SLC2A3: variants seen among roughly 807,000 people sequenced by gnomAD.
The protein encoded by SLC2A3 is solute carrier family 2, facilitated glucose transporter member 3.
A neutral mutation model predicts 46.4 loss-of-function variants in SLC2A3; 21 were observed. The observed-to-expected ratio is 0.45, with a 90% CI of 0.32 to 0.65. The LOEUF is 0.65. Ranked by LOEUF, SLC2A3 falls within the 30% of genes least tolerant of loss-of-function variation. The pLI, the probability that SLC2A3 is intolerant of heterozygous loss-of-function variation, is 0.04. For synonymous variants in SLC2A3, 213 were observed against 239.4 expected (o/e 0.89, Z 1.02); for missense variants, 499 against 623.3 (o/e 0.80, Z 2.12).
chr12:7,933,563 C>T (rs1946181516), intron 2 of SLC2A3: 1 of 516,192 alleles, frequency 1.9e-6, no homozygotes, highest in Non-Finnish European at 3.4e-6. Context: ...CATCTTCAGT[C>T]TTGGACAGGA....
chr12:7,932,997 G>T lies in SLC2A3; in HGVS notation c.259C>A (p.Arg87Ser), dbSNP rs146026720. Residue 87 changes from arginine to serine, a missense_variant, in exon 3 of 10, where the codon CGC (arginine) becomes AGC (serine). Physicochemically the swap from Arg to Ser is moderately radical, Grantham distance 110. Around this residue, in one of 5 missense-constraint regions of SLC2A3, gnomAD observed 248 missense variants for 284.0 expected, o/e 0.87. Coordinates refer to ENST00000075120, the MANE Select transcript of SLC2A3 (RefSeq NM_006931.3). ...GSFSVGLFVN[R>S]FGRRNSMLIV... ...GTTTCTAGTCAATACCTGCCAAAGC[G>T]GTTGACGAAGAGTCCGACGGAAAAG... is the stretch of plus-strand genomic sequence containing the variant. 68 of 1,613,904 alleles carry T rather than the reference G, an allele frequency of 4.2e-5. 1 individual carries two copies. The highest frequency in any genetic ancestry group is 5.8e-5 in the Non-Finnish European group (68 of 1,180,004).
chr12:7,929,479 T>A (rs915233244), intron 6 of SLC2A3: 1 of 703,124 alleles, frequency 1.4e-6, no homozygotes, highest in Non-Finnish European at 2.2e-6. Context: ...TTTTTTAAAT[T>A]TCAGAGACAC....
In SLC2A3 at chr12:7,923,058, A is replaced by G. The variant is rs768730248; in HGVS notation, c.1069-34T>C. The G allele has an allele frequency of 8.8e-6, 14 of 1,582,232 alleles. 1 individual carries two copies. Among genetic ancestry groups the G allele is most frequent in the Non-Finnish European group, 2.6e-6 (3 of 1,163,102 alleles). ...GCAAGGAACAGAGAAAATTAAATTT[A>G]AAGACAGTGTAACCTAGTATCTAGG... On this transcript the variant is annotated intron_variant, in intron 8 of 9. Transcript: ENST00000075120.
Position 7,924,433 on chromosome 12 carries a change from T to C in SLC2A3, c.1045A>G (p.Met349Val). ...ACCTTTAATAACAAAGAAACAGTCA[T>C]GAGCGTGGAACAAAAAGCCATCCCT... The part of the protein sequence containing the change: ...LGGMAFCSTL[M>V]TVSLLLKDNY... Residue 349 changes from methionine to valine, a missense_variant, in exon 8 of 10, where the codon ATG (methionine) becomes GTG (valine). Met to Val is a conservative substitution (Grantham distance 21). Transcript: ENST00000075120. 1 of 1,610,956 alleles carries C rather than the reference T, an allele frequency of 6.2e-7. No individual in the cohort carries two copies. The highest frequency in any genetic ancestry group is 8.5e-7 in the Non-Finnish European group (1 of 1,179,212).
chr12:7,925,901 C>T lies in SLC2A3; in HGVS notation c.909G>A (p.Glu303=), dbSNP rs1399915869. Residue 303 remains glutamate, a synonymous_variant, in exon 7 of 10, where the codon GAG becomes GAA. Transcript: ENST00000075120. ...TGIFKDAGVQ[E]PIYATIGAGV... ...CCGCGCCGATGGTGGCATAGATGGG[C>T]TCTTGAACACCTGCATCCTTGAAGA... 6 of 1,613,650 alleles carry T rather than the reference C, an allele frequency of 3.7e-6. No homozygotes were observed. The highest frequency in any genetic ancestry group is 5.1e-6 in the Non-Finnish European group (6 of 1,179,820).
At chr12:7,928,732 T>C (rs986741244) in intron 6 of SLC2A3, among the ~76,000 whole-genome samples, 26 of 152,188 alleles carry the variant, frequency 1.7e-4, no homozygotes, top group Middle Eastern at 6.8e-3. Context: ...CAGTAATACG[T>C]GTGGCCTACA....
intron 3 of SLC2A3, among the ~76,000 whole-genome samples, chr12:7,932,394 TCTCGAA>T (rs1182991691): frequency 6.6e-6 from 1 of 152,088 alleles, no homozygotes; most frequent in Non-Finnish European, 1.5e-5. Context: ...GCCAGGCTGG[TCTCGAA>T]CTCCTGACCT....
At chr12:7,928,075 C>G (rs1292203302) in intron 6 of SLC2A3, among the ~76,000 whole-genome samples, 1 of 151,838 alleles carries the variant, frequency 6.6e-6, no homozygotes, top group African/African-American at 2.4e-5. Context: ...CACAGCACTC[C>G]AGCCTGGGTG....
chr12:7,921,251 C>G lies in SLC2A3; in HGVS notation c.*162G>C. The G allele has an allele frequency of 7.1e-7, 1 of 1,413,156 alleles. No individual in the cohort carries two copies. Among genetic ancestry groups the G allele is most frequent in the Non-Finnish European group, 9.6e-7 (1 of 1,037,082 alleles). 87.5% of individuals were successfully genotyped at this position (1,413,156 alleles called of 1,614,324 possible). The stretch of plus-strand genomic sequence containing the variant: ...TAAAATTTAAAAAGCCATTGAAGAT[C>G]CAACAAACCGCAGCCTTGGGGTGCT... On this transcript the variant is annotated 3_prime_UTR_variant, in exon 10 of 10. Coordinates refer to ENST00000075120, the MANE Select transcript of SLC2A3 (RefSeq NM_006931.3).
chr12:7,934,687 C>T (rs1372603562), intron 1 of SLC2A3, among the ~76,000 whole-genome samples: 1 of 151,868 alleles, frequency 6.6e-6, no homozygotes, highest in Non-Finnish European at 1.5e-5. Context: ...TACGCCATTC[C>T]CCCCCACCCC....
chr12:7,928,830 A>G (rs765917997), intron 6 of SLC2A3, among the ~76,000 whole-genome samples: 1 of 140,768 alleles, frequency 7.1e-6, no homozygotes, highest in South Asian at 2.4e-4. Context: ...TTTCCTCCCA[A>G]GTTTTTTTTT....
chr12:7,932,941 A>C, intron 3 of SLC2A3, 46 bp downstream of exon 3: 1 of 1,608,990 alleles, frequency 6.2e-7, no homozygotes, highest in Non-Finnish European at 8.5e-7. Flanking sequence ...CTTGTCCTCA[A>C]TGTGGCTGGT....
At chr12:7,929,436 C>T (rs1946129344) in intron 6 of SLC2A3, 1 of 533,604 alleles carries the variant, frequency 1.9e-6, no homozygotes, top group Non-Finnish European at 3.2e-6. Context: ...CTGAAGTTGC[C>T]AGTGTCCTTC....
rs776470505 is a variant in SLC2A3 at position 7,930,591 on chromosome 12, G to C, written c.562C>G (p.Leu188Val). The part of the protein sequence containing the change: ...LGSEELWPLL[L>V]GFTILPAILQ... Reference sequence around the variant, plus strand: ...ATAGCAGGAAGGATGGTAAAACCCAGTAGCAGCGGCCATAGCTCTTCAGAC... The same window carrying C: ...ATAGCAGGAAGGATGGTAAAACCCACTAGCAGCGGCCATAGCTCTTCAGAC... Residue 188 changes from leucine to valine, a missense_variant, in exon 5 of 10, where the codon CTG becomes GTG. Around this residue, in one of 5 missense-constraint regions of SLC2A3, gnomAD observed 248 missense variants for 284.0 expected, o/e 0.87. Coordinates refer to ENST00000075120, the MANE Select transcript of SLC2A3 (RefSeq NM_006931.3). 4.3e-5 allele frequency: 69 copies of C among 1,613,850 alleles called. 1 individual carries two copies. Among genetic ancestry groups the C allele is most frequent in the Non-Finnish European group, 5.8e-5 (68 of 1,179,952 alleles).
intron 6 of SLC2A3, among the ~76,000 whole-genome samples, chr12:7,928,906 G>A (rs1184403728): frequency 1.3e-5 from 2 of 151,600 alleles, no homozygotes; most frequent in African/African-American, 4.8e-5. Flanking sequence ...TCCCACCTCA[G>A]CCTCCCGAGT....
chr12:7,921,340 C>G lies in SLC2A3; in HGVS notation c.*73G>C. 6.2e-7 allele frequency: 1 copy of G among 1,609,344 alleles called. No individual in the cohort carries two copies. The highest frequency in any genetic ancestry group is 8.5e-7 in the Non-Finnish European group (1 of 1,177,092). ...CATTCAGAAGCGTCCTGGGTTCATC[C>G]TGATGAGGTCTCTCCCTTGTTGAGG... is the stretch of plus-strand genomic sequence containing the variant. On this transcript the variant is annotated 3_prime_UTR_variant, in exon 10 of 10. Transcript: ENST00000075120.
rs908339540 is a variant in SLC2A3, at chr12:7,935,081, T to C, written c.15+939A>G. Among the ~76,000 whole-genome samples the C allele has an allele frequency of 2.0e-5, 3 of 152,118 alleles. No homozygotes were observed. In the East Asian group the frequency reaches 5.8e-4, roughly 29 times the overall value. On this transcript the variant is annotated intron_variant, in intron 1 of 9. Transcript: ENST00000075120. ...CAGGCCTCATGTGATCCTCCTGCCT[T>C]GGTTTCCCAAATGCTGGGGTTATAG...
chr12:7,921,920 C>T (rs895563838), intron 9 of SLC2A3, among the ~76,000 whole-genome samples: 2 of 151,982 alleles, frequency 1.3e-5, no homozygotes, highest in East Asian at 1.9e-4. Flanking sequence ...GGGCCGAGTG[C>T]GGTGGCTCAC....
Position 7,922,912 on chromosome 12 carries a change from C to G in SLC2A3, c.1181G>C (p.Ser394Thr), listed in dbSNP as rs749754659. Residue 394 changes from serine to threonine, a missense_variant, in exon 9 of 10, where the codon AGC (serine) becomes ACC (threonine). By Grantham distance (58) the Ser-to-Thr change is moderately conservative (BLOSUM62 1). Transcript: ENST00000075120. Reference sequence around the variant, plus strand: ...CATCGCAGCTGGGCGGGGGCCCTGGCTGAAGAGTTCGGCCACAATAAACCA... The same window carrying G: ...CATCGCAGCTGGGCGGGGGCCCTGGGTGAAGAGTTCGGCCACAATAAACCA... ...IPWFIVAELF[S>T]QGPRPAAMAV... 6.2e-7 allele frequency: 1 copy of G among 1,614,030 alleles called. No individual in the cohort carries two copies. The highest frequency in any genetic ancestry group is 1.7e-5 in the Admixed American group (1 of 59,986).
Sources: gnomAD v4.1 joint callset for allele counts (sites outside exome capture counted in the v4.1 genomes callset) on GRCh38, gnomAD v4.1.1 for gene constraint, gnomAD v4.1.1 regional missense constraint, MANE v1.5 for transcripts, NCBI Gene and HGNC (gene_info 2026-07-23, HGNC 2026-07-21) for gene names.